Variants in RFPL1 observed in about 807,000 individuals in gnomAD.
The protein encoded by RFPL1 is ret finger protein-like 1.
A neutral mutation model predicts 9.6 loss-of-function variants in RFPL1; 6 were observed. The observed-to-expected ratio is 0.62, with a 90% CI of 0.34 to 1.23. The LOEUF is 1.23. Among genes scored for constraint, RFPL1 ranks in the 50% most tolerant of loss-of-function variants. The probability of loss-of-function intolerance (pLI) is 0.03; values close to 1 mark genes in which losing one functional copy is unlikely to be tolerated. For missense variants in RFPL1, 352 were observed against 398.4 expected, an observed-to-expected ratio of 0.88 and a Z score of 0.99; for synonymous variants, 145 against 149.4, an observed-to-expected ratio of 0.97 and a Z score of 0.22.
At chr22:29,438,508 T>C (rs1602918953), upstream of RFPL1, 2 of 1,020,682 alleles carry the variant, frequency 2.0e-6, no homozygotes, top group Non-Finnish European at 1.3e-6. Flanking sequence ...CTTATGTTCA[T>C]CAATCAATCT....
exon 1 of RFPL1, chr22:29,438,965 T>C (rs549194221): frequency 1.3e-4 from 215 of 1,613,910 alleles, no homozygotes; most frequent in South Asian, 1.2e-3. Flanking sequence ...GTGGATGCGC[T>C]GTCTGCTTCA....
At chr22:29,399,375 A>G in the RFPL1 span, among the ~76,000 whole-genome samples, 1 of 152,126 alleles carries the variant, frequency 6.6e-6, no homozygotes, top group African/African-American at 2.4e-5. Flanking sequence ...ATTTTTGTGT[A>G]CGTCTGTTGT....
At chr22:29,403,566 A>G in the RFPL1 span, among the ~76,000 whole-genome samples, 1 of 152,106 alleles carries the variant, frequency 6.6e-6, no homozygotes, top group South Asian at 2.1e-4. Flanking sequence ...TCAACAGTGA[A>G]CAGACAGACG....
the RFPL1 span, among the ~76,000 whole-genome samples, chr22:29,409,049 G>A: frequency 6.6e-5 from 10 of 151,678 alleles, no homozygotes; most frequent in African/African-American, 1.7e-4. Flanking sequence ...AAAGCCCAGC[G>A]TCAAGTCTGT....
the RFPL1 span, chr22:29,423,115 C>G: frequency 6.9e-7 from 1 of 1,459,248 alleles, no homozygotes; most frequent in Admixed American, 1.7e-5. Flanking sequence ...CATTATTAAA[C>G]AAGTAATACC....
At chr22:29,418,724 T>C in the RFPL1 span, among the ~76,000 whole-genome samples, 9 of 152,062 alleles carry the variant, frequency 5.9e-5, no homozygotes, top group Middle Eastern at 3.2e-3. Context: ...GGTGTCGAAC[T>C]CCTGACCTCG....
At chr22:29,436,650 CTTGA>C (rs1488433381), upstream of RFPL1, 3 of 150,854 alleles carry the variant, frequency 2.0e-5, no homozygotes, top group South Asian at 2.1e-4. Context: ...ATTATCCTGA[CTTGA>C]TTATTACACA....
chr22:29,434,074 A>G (rs1208922578), upstream of RFPL1, among the ~76,000 whole-genome samples: 3 of 152,112 alleles, frequency 2.0e-5, no homozygotes, highest in Non-Finnish European at 2.9e-5. Context: ...TTGGTCTCAA[A>G]TTCCTCAGCT....
the RFPL1 span, among the ~76,000 whole-genome samples, chr22:29,429,260 T>C: frequency 2.2e-4 from 33 of 152,248 alleles, no homozygotes; most frequent in South Asian, 5.6e-3. Context: ...CTTACTATGT[T>C]GCCCGGGCTG....
chr22:29,415,728 T>C, the RFPL1 span, among the ~76,000 whole-genome samples: 1 of 152,258 alleles, frequency 6.6e-6, no homozygotes, highest in East Asian at 1.9e-4. Flanking sequence ...AAAGAGTTCC[T>C]GGCCCTTTTA....
chr22:29,417,168 G>A, the RFPL1 span, among the ~76,000 whole-genome samples: 5 of 151,978 alleles, frequency 3.3e-5, no homozygotes, highest in African/African-American at 4.8e-5. Flanking sequence ...TGATGAGGCC[G>A]ACTCGCTCTT....
At chr22:29,407,341 A>G in the RFPL1 span, among the ~76,000 whole-genome samples, 1 of 152,124 alleles carries the variant, frequency 6.6e-6, no homozygotes, top group Non-Finnish European at 1.5e-5. Context: ...CATCTCAAAT[A>G]TTTAGACATT....
chr22:29,395,348 T>G, the RFPL1 span, among the ~76,000 whole-genome samples: 1 of 152,116 alleles, frequency 6.6e-6, no homozygotes, highest in South Asian at 2.1e-4. Flanking sequence ...CCACAGAGCC[T>G]TTCTAAAAGG....
At chr22:29,407,239 A>C in the RFPL1 span, among the ~76,000 whole-genome samples, 1 of 151,296 alleles carries the variant, frequency 6.6e-6, no homozygotes, top group East Asian at 1.9e-4. Flanking sequence ...GCCATAAGGC[A>C]CGTGCCACTA....
At chr22:29,388,531 C>G in the RFPL1 span, 5 of 152,264 alleles carry the variant, frequency 3.3e-5, no homozygotes, top group Non-Finnish European at 7.3e-5. Context: ...GCCGGCGGCT[C>G]GGAGCCCCGC....
intron 1 of RFPL1, chr22:29,440,760 T>C (rs916547947): frequency 1.7e-4 from 26 of 152,160 alleles, no homozygotes; most frequent in African/African-American, 6.0e-4. Context: ...TGTTTTTTAG[T>C]AGAGACAGGG....
the RFPL1 span, among the ~76,000 whole-genome samples, chr22:29,392,378 CTTTTTTTTTTTTTTT>C: frequency 6.8e-3 from 315 of 46,298 alleles, 5 homozygotes; most frequent in African/African-American, 9.0e-3. Context: ...CCACACCTGG[CTTTTTTTTTTTTTTT>C]TTTTTTTTTT....
chr22:29,416,054 G>A, the RFPL1 span, among the ~76,000 whole-genome samples: 1 of 152,136 alleles, frequency 6.6e-6, no homozygotes, highest in Non-Finnish European at 1.5e-5. Flanking sequence ...CCAAGAGATT[G>A]GGGTTACCAC....
the RFPL1 span, among the ~76,000 whole-genome samples, chr22:29,400,725 C>G: frequency 6.6e-6 from 1 of 152,128 alleles, no homozygotes. Context: ...GATGTCTTTA[C>G]TTTCTCACCT....
Sources: allele counts gnomAD v4.1 joint callset (sites outside exome capture counted in the v4.1 genomes callset), GRCh38; gene constraint gnomAD v4.1.1; transcripts MANE v1.5; gene names NCBI Gene and HGNC (gene_info 2026-07-23, HGNC 2026-07-21).